Variants in LPIN2 observed in about 807,000 individuals in gnomAD.
The protein encoded by LPIN2 is lipin 2, also known as phosphatidate phosphatase LPIN2.
In LPIN2, 55 loss-of-function variants were observed where a neutral mutation model predicts 111.4. The ratio of observed to expected loss-of-function variants is 0.49; its 90% CI spans 0.40 to 0.62. The LOEUF is 0.62. Among genes scored for constraint, LPIN2 ranks in the 20% least tolerant of loss-of-function variants. LPIN2 has a pLI of 0.00. For missense variants in LPIN2, 992 were observed against 1,112.1 expected (o/e 0.89, Z 1.54); for synonymous variants, 425 against 414.0 (o/e 1.03, Z -0.32).
chr18:3,008,429 GAGA>G (rs2078549519), intron 1 of LPIN2, among the ~76,000 whole-genome samples: 1 of 152,206 alleles, frequency 6.6e-6, no homozygotes, highest in Non-Finnish European at 1.5e-5. Context: ...GTGACCAAGT[GAGA>G]CCTTGTCTCA....
intron 1 of LPIN2, among the ~76,000 whole-genome samples, chr18:2,971,868 T>C (rs889342745): frequency 2.0e-5 from 3 of 150,514 alleles, no homozygotes; most frequent in East Asian, 2.0e-4. Context: ...CTGGCCAACA[T>C]GGTGAAACTC....
At chr18:2,954,028 CTT>C (rs376529979) in intron 3 of LPIN2, among the ~76,000 whole-genome samples, 2 of 152,250 alleles carry the variant, frequency 1.3e-5, no homozygotes, top group South Asian at 2.1e-4. Context: ...ATTTAACTCT[CTT>C]GAGATCATAA....
At chr18:3,005,662 G>A (rs921325223) in intron 1 of LPIN2, among the ~76,000 whole-genome samples, 2 of 134,838 alleles carry the variant, frequency 1.5e-5, no homozygotes, top group Admixed American at 8.1e-5. Context: ...GGACAACAGA[G>A]CAAGACACTA....
At chr18:2,933,247 T>G (rs539481414) in intron 8 of LPIN2, among the ~76,000 whole-genome samples, 1 of 152,312 alleles carries the variant, frequency 6.6e-6, no homozygotes, top group Admixed American at 6.5e-5. Flanking sequence ...CTGTGAACAG[T>G]TAAATTACAG....
At chr18:2,927,522 G>T (rs1173617579) in intron 12 of LPIN2, among the ~76,000 whole-genome samples, 200 bp downstream of exon 12, 1 of 152,108 alleles carries the variant, frequency 6.6e-6, no homozygotes, top group African/African-American at 2.4e-5. Flanking sequence ...ATGGCAACTC[G>T]AACATCTCTA....
intron 4 of LPIN2, among the ~76,000 whole-genome samples, chr18:2,944,969 A>G (rs1466334341): frequency 6.6e-6 from 1 of 152,182 alleles, no homozygotes; most frequent in Non-Finnish European, 1.5e-5. Flanking sequence ...GTAGTTGTAA[A>G]CAAATCCTAA....
At chr18:2,999,536 G>A (rs1485310813) in intron 1 of LPIN2, among the ~76,000 whole-genome samples, 2 of 151,840 alleles carry the variant, frequency 1.3e-5, no homozygotes, top group Non-Finnish European at 2.9e-5. Context: ...CCCGGGAGGC[G>A]GAGCTTGCAG....
Position 2,924,511 on chromosome 18 carries a change from A to G in LPIN2, c.1974T>C (p.Val658=), listed in dbSNP as rs763648482. The G allele has an allele frequency of 4.3e-6, 7 of 1,614,260 alleles. No homozygotes were observed. In the South Asian group the frequency reaches 6.6e-5, roughly 15 times the overall value. Residue 658 remains valine, a synonymous_variant, in exon 15 of 20, where the codon GTT becomes GTC. Transcript: ENST00000677752. ...GATACTGGGTTGTAATACTAAACAC[A>G]ACATCATTTGGGCCATCGTGGAGCT... The part of the protein sequence containing the change: ...KLKLHDGPND[V]VFSITTQYQG...
At chr18:2,960,986 C>T (rs2077703766) in intron 1 of LPIN2, 137 bp from the exon 2 acceptor site, 2 of 754,798 alleles carry the variant, frequency 2.6e-6, no homozygotes, top group Non-Finnish European at 4.6e-6. Flanking sequence ...AATTTTCAAC[C>T]TAACAGTCTC....
At position 2,920,099 on chromosome 18, in the gene LPIN2, T is replaced by C. The variant is rs531958521; in HGVS notation, c.*194A>G. 9.4e-5 allele frequency: 64 copies of C among 683,662 alleles called. No individual in the cohort carries two copies. Among genetic ancestry groups the C allele is most frequent in the Non-Finnish European group, 1.5e-4 (59 of 400,810 alleles). 42.3% of individuals were successfully genotyped at this position (683,662 alleles called of 1,614,324 possible). On this transcript the variant is annotated 3_prime_UTR_variant, in exon 20 of 20. Coordinates refer to ENST00000677752, the MANE Select transcript of LPIN2 (RefSeq NM_001375808.2). ...CCCAGGCCCAGTTCCTCCCTTCTCC[T>C]TCCAGGAGCTGAGCTGCAGACCTGC...
chr18:2,936,268 G>A (rs780232223), intron 7 of LPIN2, among the ~76,000 whole-genome samples: 4 of 152,116 alleles, frequency 2.6e-5, no homozygotes, highest in East Asian at 3.9e-4. Context: ...GGTAATTTTA[G>A]AGAAGGTTTC....
chr18:2,999,609 G>GA (rs11370947), intron 1 of LPIN2, among the ~76,000 whole-genome samples: 130,035 of 143,348 alleles, frequency 0.91, 59,612 homozygotes, highest in East Asian at 0.99. Context: ...GTCTCAAAAA[G>GA]AAAAAAAAAA....
In LPIN2 at chr18:2,940,697, A is replaced by G. The variant is rs1157352133; in HGVS notation, c.606T>C (p.Ala202=). The change falls in exon 5 of 20, where the codon GCT becomes GCC. Residue 202 remains alanine (A), a synonymous_variant. Transcript: ENST00000677752. ...CTTTACATTCTTCTTCTTTCAAGGA[A>G]GCATTTGAAGATCCTCTGTGAAGGA... ...GAQAARGSSN[A]SLKEEECKEP... 14 of 1,609,536 alleles carry G rather than the reference A, an allele frequency of 8.7e-6. 1 individual carries two copies. The highest frequency in any genetic ancestry group is 5.3e-5 in the African/African-American group (4 of 74,864).
At chr18:3,000,054 A>G (rs375960712) in intron 1 of LPIN2, among the ~76,000 whole-genome samples, 17 of 148,700 alleles carry the variant, frequency 1.1e-4, no homozygotes, top group South Asian at 6.6e-4. Context: ...TTTAAAAAGA[A>G]GAAGAGGAGG....
At chr18:2,947,354 C>G (rs1244421282) in intron 4 of LPIN2, among the ~76,000 whole-genome samples, 1 of 152,192 alleles carries the variant, frequency 6.6e-6, no homozygotes, top group East Asian at 1.9e-4. Flanking sequence ...TTTTTAATCT[C>G]TCTCTCACAC....
At chr18:2,954,704 G>T in intron 2 of LPIN2, 105 bp from the exon 3 acceptor site, 1 of 850,412 alleles carries the variant, frequency 1.2e-6, no homozygotes, top group Non-Finnish European at 2.0e-6. Context: ...TAGTTTTGAG[G>T]TTCCTAGAAC....
In LPIN2 at chr18:2,929,006, A is replaced by C. The variant is rs2077175507; in HGVS notation, c.1550+59T>G. 4.6e-6 allele frequency: 5 copies of C among 1,092,468 alleles called. No individual in the cohort carries two copies. The African/African-American group carries it at 4.6e-5, about 10-fold the overall frequency. The allele number at this position is 1,092,468 out of a possible 1,614,324, so 67.7% of individuals were successfully genotyped here. On this transcript the variant is annotated intron_variant, in intron 10 of 19. Coordinates refer to ENST00000677752, the MANE Select transcript of LPIN2 (RefSeq NM_001375808.2). ...ACACTTTTATAAGTAACAGTTAAAA[A>C]TGGCACTTGTAAAAAAACTGCAAGA...
rs781183209 is a variant in LPIN2 at position 2,951,288 on chromosome 18, G to A, written c.357C>T (p.Asp119=). The A allele has an allele frequency of 6.2e-7, 1 of 1,614,116 alleles. No homozygotes were observed. The highest frequency in any genetic ancestry group is 8.5e-7 in the Non-Finnish European group (1 of 1,180,020). The part of the protein sequence containing the change: ...PTEDQFFKDI[D]TPLVKSGGDE... ...CTCCACCCGATTTCACCAAAGGGGT[G>A]TCAATATCTTTAAAGAACTGATCTT... Residue 119 remains aspartate, a synonymous_variant, in exon 4 of 20, where the codon GAC becomes GAT. Coordinates refer to ENST00000677752, the MANE Select transcript of LPIN2 (RefSeq NM_001375808.2).
In LPIN2 at chr18:2,934,431, T is replaced by C. The variant is rs1012954910; in HGVS notation, c.1188A>G (p.Gln396=). 1.9e-6 allele frequency: 3 copies of C among 1,613,202 alleles called. No individual in the cohort carries two copies. Among genetic ancestry groups the C allele is most frequent in the Non-Finnish European group, 1.7e-6 (2 of 1,179,312 alleles). Residue 396 remains glutamine (Q), a synonymous_variant, in exon 8 of 20, where the codon CAA becomes CAG. Transcript: ENST00000677752. ...SKKKGVHKRS[Q]HQGPDDIYLD... is the part of the protein sequence containing the mutation. ...GGTAAATATCATCAGGTCCCTGGTG[T>C]TGGCTTCTTTTGTGAACACCTGTTT... is the stretch of plus-strand genomic sequence containing the variant.
Sources: allele counts gnomAD v4.1 joint callset (sites outside exome capture counted in the v4.1 genomes callset), GRCh38; gene constraint gnomAD v4.1.1; transcripts MANE v1.5; gene names NCBI Gene and HGNC (gene_info 2026-07-23, HGNC 2026-07-21).